The following SGCD variants were observed in gnomAD, a reference collection of about 807,000 sequenced individuals.
SGCD encodes sarcoglycan delta, also known as delta-sarcoglycan.
Under a neutral mutation model 36.6 loss-of-function variants are expected in SGCD, and 18 were observed. The observed-to-expected ratio is 0.49, with a 90% CI of 0.34 to 0.73. The LOEUF (loss-of-function observed/expected upper bound fraction) is 0.73, where lower values mean the gene tolerates loss of function less well. Among genes scored for constraint, SGCD ranks in the 30% least tolerant of loss-of-function variants. SGCD has a pLI of 0.01. For synonymous variants in SGCD, 133 were observed against 130.6 expected (o/e 1.02, Z -0.12); for missense variants, 387 against 346.7 (o/e 1.12, Z -0.92).
At chr5:156,607,164 AT>A (rs1346737770) in intron 6 of SGCD, among the ~76,000 whole-genome samples, 1 of 152,144 alleles carries the variant, frequency 6.6e-6, no homozygotes, top group African/African-American at 2.4e-5. Context: ...CCCATTCAGT[AT>A]GATATTGGCT....
intron 3 of SGCD, among the ~76,000 whole-genome samples, chr5:156,218,183 C>T (rs536750316): frequency 9.5e-4 from 145 of 152,038 alleles, no homozygotes; most frequent in Admixed American, 3.4e-3. Context: ...ACCTGGGAAG[C>T]GAAGGTTGCA....
intron 4 of SGCD, among the ~76,000 whole-genome samples, chr5:156,570,017 T>C (rs1260634292): frequency 1.3e-5 from 2 of 152,130 alleles, no homozygotes; most frequent in Non-Finnish European, 2.9e-5. Context: ...GAGAGTGACA[T>C]AATCTGTGTT....
intron 3 of SGCD, among the ~76,000 whole-genome samples, chr5:156,345,240 A>G (rs1261871256): frequency 6.9e-6 from 1 of 145,858 alleles, no homozygotes; most frequent in African/African-American, 2.5e-5. Context: ...GCTGTGTTTC[A>G]TTTTTTTTTT....
chr5:156,286,803 C>T (rs769381654), intron 3 of SGCD, among the ~76,000 whole-genome samples: 1 of 151,604 alleles, frequency 6.6e-6, no homozygotes, highest in Non-Finnish European at 1.5e-5. Flanking sequence ...TGCACATGTA[C>T]CCTAAAACTT....
intron 3 of SGCD, among the ~76,000 whole-genome samples, chr5:156,298,580 T>C (rs1334423316): frequency 5.6e-5 from 8 of 143,686 alleles, no homozygotes; most frequent in South Asian, 2.2e-4. Flanking sequence ...TCTTTTCTTT[T>C]TTTTTTTTTT....
intron 3 of SGCD, among the ~76,000 whole-genome samples, chr5:156,198,353 T>A (rs767960458): frequency 1.3e-5 from 2 of 152,140 alleles, no homozygotes; most frequent in Admixed American, 1.3e-4. Context: ...TGTTTTCCTT[T>A]CATTTAGTAA....
chr5:155,871,168 C>A (rs528776859), intron 1 of SGCD, among the ~76,000 whole-genome samples: 12 of 152,202 alleles, frequency 7.9e-5, no homozygotes, highest in African/African-American at 2.2e-4. Flanking sequence ...GCTGTTCATG[C>A]TAATCAAGGT....
At chr5:156,523,280 G>A (rs139004656) in intron 4 of SGCD, among the ~76,000 whole-genome samples, 24 of 152,230 alleles carry the variant, frequency 1.6e-4, no homozygotes, top group Non-Finnish European at 2.9e-4. Flanking sequence ...GTGGTTACAC[G>A]TGGCAATTTC....
intron 1 of SGCD, among the ~76,000 whole-genome samples, chr5:155,941,155 T>G (rs531237816): frequency 5.3e-5 from 8 of 152,150 alleles, no homozygotes; most frequent in Non-Finnish European, 1.0e-4. Context: ...GAACTGACTT[T>G]TATAACAAAC....
chr5:156,021,288 G>A (rs540557395), intron 1 of SGCD, among the ~76,000 whole-genome samples: 8 of 152,328 alleles, frequency 5.3e-5, no homozygotes, highest in Non-Finnish European at 8.8e-5. Flanking sequence ...TATTGAGCAT[G>A]TATTGTATGA....
the SGCD span, among the ~76,000 whole-genome samples, chr5:155,798,814 T>C: frequency 2.0e-5 from 3 of 152,308 alleles, no homozygotes; most frequent in East Asian, 5.8e-4. Context: ...CCTTGCTTGG[T>C]ATTTCTAGGG....
At chr5:156,015,856 A>G (rs1042163285) in intron 1 of SGCD, among the ~76,000 whole-genome samples, 16 of 150,090 alleles carry the variant, frequency 1.1e-4, no homozygotes, top group African/African-American at 3.9e-4. Context: ...GAATGAAATT[A>G]TATATATAAT....
chr5:155,807,753 ATTTG>A, the SGCD span, among the ~76,000 whole-genome samples: 1 of 152,098 alleles, frequency 6.6e-6, no homozygotes, highest in South Asian at 2.1e-4. Flanking sequence ...ATGTGTATTT[ATTTG>A]TTTGTTTGCT....
At chr5:156,372,250 G>A (rs940908179) in intron 3 of SGCD, among the ~76,000 whole-genome samples, 1 of 152,150 alleles carries the variant, frequency 6.6e-6, no homozygotes, top group Non-Finnish European at 1.5e-5. Context: ...TATCTAAGAG[G>A]TATGGTATCG....
the SGCD span, among the ~76,000 whole-genome samples, chr5:155,802,432 A>G: frequency 6.6e-6 from 1 of 152,180 alleles, no homozygotes; most frequent in African/African-American, 2.4e-5. Flanking sequence ...TATTCTATGT[A>G]CTTAGTTTAG....
At chr5:156,457,931 G>A (rs564453970) in intron 3 of SGCD, among the ~76,000 whole-genome samples, 7 of 152,230 alleles carry the variant, frequency 4.6e-5, no homozygotes, top group South Asian at 2.1e-4. Context: ...GACTTTGGGC[G>A]GTTTAGGACC....
At chr5:156,258,852 G>A (rs1285428859) in intron 3 of SGCD, among the ~76,000 whole-genome samples, 1 of 151,854 alleles carries the variant, frequency 6.6e-6, no homozygotes, top group Non-Finnish European at 1.5e-5. Context: ...TGGCACATAT[G>A]GTAGATAATT....
At chr5:155,906,269 T>C (rs1185209435) in intron 1 of SGCD, among the ~76,000 whole-genome samples, 1 of 152,120 alleles carries the variant, frequency 6.6e-6, no homozygotes, top group Non-Finnish European at 1.5e-5. Flanking sequence ...TTCCTCTTCT[T>C]GAGCTTCCCT....
intron 6 of SGCD, among the ~76,000 whole-genome samples, chr5:156,637,084 C>A (rs1388557886): frequency 6.6e-6 from 1 of 152,100 alleles, no homozygotes; most frequent in Admixed American, 6.6e-5. Flanking sequence ...GTAATTGAAT[C>A]ATGAGGGCAG....
Sources: allele counts gnomAD v4.1 joint callset (sites outside exome capture counted in the v4.1 genomes callset), GRCh38; gene constraint gnomAD v4.1.1; transcripts MANE v1.5; gene names NCBI Gene and HGNC (gene_info 2026-07-23, HGNC 2026-07-21).